The following KIAA0825 variants were observed in gnomAD, a reference collection of about 807,000 sequenced individuals.
KIAA0825 encodes uncharacterized protein KIAA0825.
A neutral mutation model predicts 147.6 loss-of-function variants in KIAA0825; 119 were observed. The observed-to-expected ratio is 0.81, with a 90% CI of 0.69 to 0.94. The LOEUF (loss-of-function observed/expected upper bound fraction) is 0.94, where lower values mean the gene tolerates loss of function less well. Among genes scored for constraint, KIAA0825 ranks in the 40% least tolerant of loss-of-function variants. KIAA0825 has a pLI of 0.00. For synonymous variants in KIAA0825, 470 were observed against 518.1 expected (o/e 0.91, Z 1.26); for missense variants, 1,381 against 1,472.7 (o/e 0.94, Z 1.02).
In KIAA0825 at chr5:94,378,821, A is replaced by C. The variant is rs1747962093; in HGVS notation, c.3710+5547T>G. On this transcript the variant is annotated intron_variant, in intron 20 of 20. Coordinates refer to ENST00000682413, the MANE Select transcript of KIAA0825 (RefSeq NM_001145678.3). Reference sequence around the variant, plus strand: ...TCTGACTGGTGTGAGATGCTATCTCATTGTGGCTTTGATTTGCGTTTCTCT... The same window carrying C: ...TCTGACTGGTGTGAGATGCTATCTCCTTGTGGCTTTGATTTGCGTTTCTCT... Among the ~76,000 whole-genome samples the C allele has an allele frequency of 3.3e-5, 5 of 152,220 alleles. No homozygotes were observed. The South Asian group carries it at 1.0e-3, about 32-fold the overall frequency.
At chr5:94,184,843 A>G (rs1351764784) in intron 20 of KIAA0825, among the ~76,000 whole-genome samples, 4 of 152,178 alleles carry the variant, frequency 2.6e-5, no homozygotes, top group Admixed American at 6.6e-5. Flanking sequence ...TACTTTGTCA[A>G]TGAAGAATCC....
chr5:94,266,220 T>C (rs1776732060), intron 20 of KIAA0825, among the ~76,000 whole-genome samples: 2 of 152,326 alleles, frequency 1.3e-5, no homozygotes, highest in Admixed American at 1.3e-4. Flanking sequence ...TTGTATCTGC[T>C]ACCATAAACT....
chr5:94,591,778 T>C (rs1390155399), intron 1 of KIAA0825, among the ~76,000 whole-genome samples: 2 of 152,142 alleles, frequency 1.3e-5, no homozygotes, highest in Non-Finnish European at 2.9e-5. Flanking sequence ...TTTAATGGAC[T>C]CACAGTTCCA....
intron 20 of KIAA0825, among the ~76,000 whole-genome samples, chr5:94,255,461 G>A (rs866312779): frequency 6.6e-6 from 1 of 151,974 alleles, no homozygotes; most frequent in Non-Finnish European, 1.5e-5. Context: ...GCTATGGAAG[G>A]TAGAGATGTC....
At chr5:94,464,736 G>T in intron 11 of KIAA0825, 133 bp downstream of exon 11, 2 of 748,308 alleles carry the variant, frequency 2.7e-6, no homozygotes, top group Non-Finnish European at 4.1e-6. Flanking sequence ...CAGGAGAATA[G>T]AATATGATTT....
At chr5:94,538,751 C>A (rs1199858949) in intron 2 of KIAA0825, among the ~76,000 whole-genome samples, 1 of 152,142 alleles carries the variant, frequency 6.6e-6, no homozygotes, top group Non-Finnish European at 1.5e-5. Context: ...TTGTTTTATC[C>A]AAAAGGTCCT....
intron 20 of KIAA0825, among the ~76,000 whole-genome samples, chr5:94,156,736 T>G (rs1319327478): frequency 6.6e-6 from 1 of 152,178 alleles, no homozygotes. Context: ...ATATTTGCTT[T>G]GTGCTTATTA....
At chr5:94,413,408 C>T (rs756517172) in intron 15 of KIAA0825, 9 of 152,136 alleles carry the variant, frequency 5.9e-5, no homozygotes, top group Non-Finnish European at 1.2e-4. Context: ...GTCCACCCAA[C>T]TGGTAAGTGG....
intron 13 of KIAA0825, among the ~76,000 whole-genome samples, chr5:94,451,691 C>G (rs1300265823): frequency 6.6e-6 from 1 of 152,144 alleles, no homozygotes; most frequent in Non-Finnish European, 1.5e-5. Flanking sequence ...AGGACTCTAG[C>G]TGGGTTGATC....
intron 14 of KIAA0825, among the ~76,000 whole-genome samples, chr5:94,426,036 T>TATTATC (rs1292487597): frequency 6.7e-6 from 1 of 149,552 alleles, no homozygotes; most frequent in Non-Finnish European, 1.5e-5. Context: ...TTATTATCAT[T>TATTATC]ATTATTATTA....
intron 10 of KIAA0825, among the ~76,000 whole-genome samples, chr5:94,467,081 T>C (rs377047137): frequency 2.6e-5 from 4 of 152,286 alleles, no homozygotes; most frequent in African/African-American, 4.8e-5. Context: ...AATGAGAAAA[T>C]AAAAGTAACT....
chr5:94,463,207 C>T (rs17379236), intron 11 of KIAA0825, among the ~76,000 whole-genome samples: 14,969 of 151,422 alleles, frequency 0.099, 869 homozygotes, highest in Middle Eastern at 0.14. Flanking sequence ...ACCCGAAGAT[C>T]TCTTTAATTA....
intron 5 of KIAA0825, among the ~76,000 whole-genome samples, chr5:94,500,455 T>C (rs543239233): frequency 1.3e-5 from 2 of 152,156 alleles, no homozygotes; most frequent in African/African-American, 4.8e-5. Flanking sequence ...CTTTTGACGG[T>C]GAGGAGCAGG....
intron 20 of KIAA0825, among the ~76,000 whole-genome samples, chr5:94,373,734 T>C (rs980826509): frequency 1.3e-5 from 2 of 152,166 alleles, no homozygotes; most frequent in Admixed American, 6.5e-5. Context: ...CACAGCCAAA[T>C]CATGTCGATT....
chr5:94,588,527 G>A (rs1034020420), intron 1 of KIAA0825, among the ~76,000 whole-genome samples: 1 of 152,286 alleles, frequency 6.6e-6, no homozygotes, highest in Middle Eastern at 3.4e-3. Flanking sequence ...TCATTAAAAA[G>A]TCGGGAAACA....
chr5:94,199,779 G>A (rs947044778), intron 20 of KIAA0825, among the ~76,000 whole-genome samples: 1 of 152,166 alleles, frequency 6.6e-6, no homozygotes, highest in Non-Finnish European at 1.5e-5. Context: ...GCTGGCGGGG[G>A]AGGCTGCAGC....
chr5:94,487,406 G>A (rs1763184741), intron 5 of KIAA0825, among the ~76,000 whole-genome samples: 3 of 152,160 alleles, frequency 2.0e-5, no homozygotes, highest in Admixed American at 2.0e-4. Context: ...ATAATTCTGT[G>A]ATAAATTCAT....
chr5:94,365,943 C>T (rs1003428154), intron 20 of KIAA0825, among the ~76,000 whole-genome samples: 11 of 152,136 alleles, frequency 7.2e-5, no homozygotes, highest in African/African-American at 2.2e-4. Context: ...TTGCAGACTC[C>T]GCGCTCAATA....
chr5:94,580,459 G>C (rs1384566142), intron 2 of KIAA0825, among the ~76,000 whole-genome samples: 4 of 152,102 alleles, frequency 2.6e-5, no homozygotes, highest in African/African-American at 9.7e-5. Context: ...GACAGATTAA[G>C]AATCAAGGAA....
Sources: gnomAD v4.1 joint callset for allele counts (sites outside exome capture counted in the v4.1 genomes callset) on GRCh38, gnomAD v4.1.1 for gene constraint, MANE v1.5 for transcripts, NCBI Gene and HGNC (gene_info 2026-07-23, HGNC 2026-07-21) for gene names.